Variants in PP2D1 observed in about 807,000 individuals in gnomAD.
The protein encoded by PP2D1 is protein phosphatase 2C-like domain-containing protein 1.
In PP2D1, 25 loss-of-function variants were observed where a neutral mutation model predicts 30.2. The observed-to-expected ratio is 0.83, with a 90% CI of 0.60 to 1.16. The LOEUF is 1.16. Among genes scored for constraint, PP2D1 ranks in the 50% most tolerant of loss-of-function variants. The pLI, the probability that PP2D1 is intolerant of heterozygous loss-of-function variation, is 0.00. For missense variants in PP2D1, 760 were observed against 742.4 expected (o/e 1.02, Z -0.28); for synonymous variants, 260 against 258.9 (o/e 1.00, Z -0.04).
chr3:20,012,119 CT>C lies in PP2D1; in HGVS notation c.-48del, dbSNP rs768120811. The C allele has an allele frequency of 2.2e-5, 32 of 1,482,214 alleles. No individual in the cohort carries two copies. In the South Asian group the frequency reaches 3.9e-4, roughly 18 times the overall value. The allele number at this position is 1,482,214 out of a possible 1,614,324, so 91.8% of individuals were successfully genotyped here. On this transcript the variant is annotated 5_prime_UTR_variant, in exon 1 of 3. An upstream open reading frame in the 5' UTR loses its in-frame stop. Transcript: ENST00000389050. ...TTTGCCCTCCCTTTATCCCCTTCCC[CT>C]GGCCTCTATTTCTCCAACTTGAGTA...
At chr3:19,982,210 C>G (rs559352078), downstream of PP2D1, among the ~76,000 whole-genome samples, 26 of 152,326 alleles carry the variant, frequency 1.7e-4, no homozygotes, top group African/African-American at 5.5e-4. Context: ...CACACTCTAA[C>G]TTGGGCTACA....
downstream of PP2D1, among the ~76,000 whole-genome samples, chr3:19,980,997 A>G (rs984280903): frequency 7.9e-5 from 12 of 152,174 alleles, no homozygotes; most frequent in African/African-American, 2.2e-4. Context: ...AGTGTATTCA[A>G]TTTCTGAGTA....
At chr3:19,993,306 G>A (rs1034280195) in intron 2 of PP2D1, among the ~76,000 whole-genome samples, 2 of 152,176 alleles carry the variant, frequency 1.3e-5, no homozygotes, top group Non-Finnish European at 2.9e-5. Context: ...CCCTTCCACT[G>A]AGAACAAGTA....
At chr3:19,982,890 A>G (rs1475862535), downstream of PP2D1, among the ~76,000 whole-genome samples, 1 of 152,166 alleles carries the variant, frequency 6.6e-6, no homozygotes, top group East Asian at 1.9e-4. Context: ...GTAGAGGACA[A>G]GTTTTGTTGG....
chr3:19,998,445 A>T (rs890752868), intron 2 of PP2D1, among the ~76,000 whole-genome samples: 5 of 152,212 alleles, frequency 3.3e-5, no homozygotes, highest in Non-Finnish European at 5.9e-5. Flanking sequence ...TAAAATAGCT[A>T]GAAGAGTTGA....
At chr3:20,000,689 A>G (rs1575087074) in intron 2 of PP2D1, among the ~76,000 whole-genome samples, 2 of 152,362 alleles carry the variant, frequency 1.3e-5, no homozygotes, top group South Asian at 4.1e-4. Context: ...TGAAAAAAGG[A>G]AGTGTACAAA....
At chr3:20,006,732 G>A (rs1027215353) in intron 1 of PP2D1, among the ~76,000 whole-genome samples, 1 of 151,838 alleles carries the variant, frequency 6.6e-6, no homozygotes, top group Admixed American at 6.6e-5. Flanking sequence ...CTCCCAAAGC[G>A]CTAGGATTAC....
At position 20,002,003 on chromosome 3, in the gene PP2D1, T is replaced by C. The variant is rs1163104690; in HGVS notation, c.117A>G (p.Arg39=). ...GTCTCACTGGTCTTGACTTTTTCTT[T>C]CTAAAACGTTTTCTTTTGGGTAAAA... ...ILLLPKRKRF[R]KKKSRPVRHT... The change falls in exon 2 of 3, where the codon AGA becomes AGG. Residue 39 remains arginine, a synonymous_variant. Coordinates refer to ENST00000389050, the MANE Select transcript of PP2D1 (RefSeq NM_001252657.2). 2.6e-6 allele frequency: 4 copies of C among 1,535,960 alleles called. No individual in the cohort carries two copies. Among genetic ancestry groups the C allele is most frequent in the Non-Finnish European group, 3.5e-6 (4 of 1,146,766 alleles).
At position 20,001,315 on chromosome 3, in the gene PP2D1, T is replaced by A; in HGVS notation, c.805A>T (p.Ile269Leu). 2 of 1,535,692 alleles carry A rather than the reference T, an allele frequency of 1.3e-6. No homozygotes were observed. The highest frequency in any genetic ancestry group is 1.7e-6 in the Non-Finnish European group (2 of 1,146,544). Reference protein sequence around the residue: ...YAAIEDLFSAINKTEAVRCEY... With the variant: ...YAAIEDLFSALNKTEAVRCEY... Reference sequence around the variant, plus strand: ...CACCTCACTGCTTCTGTTTTGTTTATGGCAGAAAAGAGGTCTTCTATTGCT... The same window carrying A: ...CACCTCACTGCTTCTGTTTTGTTTAAGGCAGAAAAGAGGTCTTCTATTGCT... Residue 269 changes from isoleucine (I) to leucine (L), a missense_variant, in exon 2 of 3, where the codon ATA becomes TTA. Transcript: ENST00000389050.
chr3:19,981,894 A>G (rs763206620), downstream of PP2D1, among the ~76,000 whole-genome samples: 4 of 152,180 alleles, frequency 2.6e-5, no homozygotes, highest in African/African-American at 7.2e-5. Context: ...GGATAATTCT[A>G]TCTGGATTAG....
intron 2 of PP2D1, among the ~76,000 whole-genome samples, chr3:19,993,191 GAAT>G (rs1283577566): frequency 2.6e-5 from 4 of 152,068 alleles, no homozygotes; most frequent in South Asian, 2.1e-4. Context: ...TCATTAAAAA[GAAT>G]TATTAACAAA....
At chr3:20,005,691 C>A (rs1697310196) in intron 1 of PP2D1, among the ~76,000 whole-genome samples, 1 of 151,674 alleles carries the variant, frequency 6.6e-6, no homozygotes, top group South Asian at 2.1e-4. Context: ...AGAAATTAAC[C>A]CACTTAATTA....
intron 2 of PP2D1, among the ~76,000 whole-genome samples, chr3:19,999,024 T>A (rs1268165562): frequency 6.6e-6 from 1 of 151,798 alleles, no homozygotes; most frequent in East Asian, 1.9e-4. Context: ...GGCCTGGAAA[T>A]TAAATCCAAC....
chr3:20,006,579 T>A (rs1697320419), intron 1 of PP2D1, among the ~76,000 whole-genome samples: 1 of 152,126 alleles, frequency 6.6e-6, no homozygotes. Flanking sequence ...CTCCCACCTC[T>A]GCCTCCATAG....
intron 2 of PP2D1, among the ~76,000 whole-genome samples, chr3:19,986,899 G>A (rs1199414716): frequency 6.6e-6 from 1 of 152,002 alleles, no homozygotes; most frequent in South Asian, 2.1e-4. Flanking sequence ...AGCCGGACGT[G>A]GTGGCCATGT....
At chr3:20,006,715 C>G (rs1006027933) in intron 1 of PP2D1, among the ~76,000 whole-genome samples, 4 of 151,962 alleles carry the variant, frequency 2.6e-5, no homozygotes, top group Admixed American at 1.3e-4. Flanking sequence ...ACCCGCCCTG[C>G]CTCAGCCTCC....
downstream of PP2D1, chr3:19,985,180 C>T (rs958312616): frequency 4.1e-5 from 21 of 507,444 alleles, no homozygotes; most frequent in African/African-American, 1.2e-4. Flanking sequence ...AAGCAAGTAT[C>T]GGCTTTTCTC....
chr3:19,986,122 G>C lies in PP2D1; in HGVS notation c.1151C>G (p.Thr384Ser). Reference protein sequence around the residue: ...GKGFCLTKEHTTRNTNERRRI... With the variant: ...GKGFCLTKEHSTRNTNERRRI... ...TCTTCTTTCATTTGTGTTTCGTGTA[G>C]TATGTTCTTTGGTTAGGCAAAAACC... The change falls in exon 3 of 3, where the codon ACT (threonine) becomes AGT (serine). Residue 384 changes from threonine to serine, a missense_variant. Transcript: ENST00000389050. 1.3e-6 allele frequency: 2 copies of C among 1,534,822 alleles called. No homozygotes were observed. The highest frequency in any genetic ancestry group is 1.7e-6 in the Non-Finnish European group (2 of 1,146,532).
chr3:19,983,973 T>C, downstream of PP2D1: 1 of 613,302 alleles, frequency 1.6e-6, no homozygotes, highest in Non-Finnish European at 2.9e-6. Context: ...TTAAGTGTTT[T>C]GAACTTAATT....
Sources: gnomAD v4.1 joint callset for allele counts (sites outside exome capture counted in the v4.1 genomes callset) on GRCh38, gnomAD v4.1.1 for gene constraint, MANE v1.5 for transcripts, NCBI Gene and HGNC (gene_info 2026-07-23, HGNC 2026-07-21) for gene names.